The following CCBE1 variants were observed in gnomAD, a reference collection of about 807,000 sequenced individuals.
CCBE1 encodes the protein collagen and calcium-binding EGF domain-containing protein 1.
Under a neutral mutation model 50.0 loss-of-function variants are expected in CCBE1, and 37 were observed. That is an observed-to-expected ratio of 0.74 (90% CI 0.57 to 0.97). The LOEUF is 0.97. CCBE1 is among the 50% of genes least tolerant of loss of function. The pLI, the probability that CCBE1 is intolerant of heterozygous loss-of-function variation, is 0.00. For missense variants in CCBE1, 538 were observed against 523.8 expected, an observed-to-expected ratio of 1.03 and a Z score of -0.26; for synonymous variants, 234 against 203.7, an observed-to-expected ratio of 1.15 and a Z score of -1.27.
intron 2 of CCBE1, among the ~76,000 whole-genome samples, chr18:59,617,012 T>A (rs961780725): frequency 1.3e-5 from 2 of 152,186 alleles, no homozygotes; most frequent in Non-Finnish European, 2.9e-5. Context: ...AATCTAGTTA[T>A]CTAGGTTTCA....
chr18:59,526,699 G>C (rs553431422), intron 2 of CCBE1, among the ~76,000 whole-genome samples: 1 of 152,128 alleles, frequency 6.6e-6, no homozygotes, highest in African/African-American at 2.4e-5. Flanking sequence ...AGAGATTCTG[G>C]TATGTTGTCT....
chr18:59,468,925 G>A (rs1180363289), intron 4 of CCBE1, among the ~76,000 whole-genome samples: 4 of 151,618 alleles, frequency 2.6e-5, no homozygotes, highest in African/African-American at 9.7e-5. Flanking sequence ...TGGTTCCAAT[G>A]GAAAATGAGC....
At chr18:59,473,073 A>G (rs1465833412) in intron 3 of CCBE1, among the ~76,000 whole-genome samples, 1 of 152,220 alleles carries the variant, frequency 6.6e-6, no homozygotes, top group Admixed American at 6.5e-5. Flanking sequence ...GTGGGGACAC[A>G]GCCAAACCAT....
chr18:59,482,596 G>A (rs1398587300), intron 2 of CCBE1, among the ~76,000 whole-genome samples: 1 of 152,182 alleles, frequency 6.6e-6, no homozygotes, highest in Non-Finnish European at 1.5e-5. Context: ...TATAATGCAT[G>A]TAGTTGCAAT....
intron 2 of CCBE1, among the ~76,000 whole-genome samples, chr18:59,564,399 TTTAC>T (rs1192530375): frequency 2.0e-5 from 3 of 152,246 alleles, no homozygotes; most frequent in Non-Finnish European, 4.4e-5. Context: ...ACACTGTGTT[TTTAC>T]TTTGTATATT....
intron 2 of CCBE1, among the ~76,000 whole-genome samples, chr18:59,480,679 A>G (rs1912529501): frequency 6.6e-6 from 1 of 152,170 alleles, no homozygotes; most frequent in South Asian, 2.1e-4. Flanking sequence ...TGTTAATTGT[A>G]ATATAACAAT....
chr18:59,595,774 A>G (rs1159032635), intron 2 of CCBE1, among the ~76,000 whole-genome samples: 1 of 152,212 alleles, frequency 6.6e-6, no homozygotes, highest in Non-Finnish European at 1.5e-5. Flanking sequence ...AGGCAGAGCA[A>G]AGGTACTGTA....
At chr18:59,646,058 T>A (rs1190426059) in intron 2 of CCBE1, among the ~76,000 whole-genome samples, 1 of 151,140 alleles carries the variant, frequency 6.6e-6, no homozygotes, top group Non-Finnish European at 1.5e-5. Context: ...AAAAAAGGTA[T>A]CAAAAGGCAG....
intron 3 of CCBE1, among the ~76,000 whole-genome samples, chr18:59,472,702 T>C (rs602751): frequency 0.49 from 73,973 of 152,036 alleles, 18,803 homozygotes; most frequent in East Asian, 0.77. Flanking sequence ...CACCTCCCTC[T>C]CTCTTTTGTT....
Position 59,500,077 on chromosome 18 carries a change from A to G in CCBE1, c.213-19839T>C, listed in dbSNP as rs868478775. ...CTCTTCAGCAGGGGCTGCCTGAGTC[A>G]AAAGATAAGTCCCAGAGGAAGGTAG... On this transcript the variant is annotated intron_variant, in intron 2 of 10. Transcript: ENST00000439986. Among the ~76,000 whole-genome samples the G allele has an allele frequency of 3.7e-4, 57 of 152,318 alleles. 1 individual carries two copies. Among genetic ancestry groups the G allele is most frequent in the Middle Eastern group, 3.4e-3 (1 of 294 alleles).
chr18:59,455,446 G>T (rs1305215235), intron 5 of CCBE1, among the ~76,000 whole-genome samples: 1 of 152,164 alleles, frequency 6.6e-6, no homozygotes, highest in East Asian at 1.9e-4. Flanking sequence ...CGACGCGTGA[G>T]GCCAGGATGG....
intron 2 of CCBE1, among the ~76,000 whole-genome samples, chr18:59,578,995 A>C (rs1337851051): frequency 6.6e-6 from 1 of 152,244 alleles, no homozygotes; most frequent in African/African-American, 2.4e-5. Context: ...ATGTAAAGAC[A>C]TAAAAGTCAC....
intron 2 of CCBE1, among the ~76,000 whole-genome samples, chr18:59,539,660 A>T (rs750447499): frequency 5.3e-5 from 8 of 152,244 alleles, no homozygotes; most frequent in Non-Finnish European, 1.0e-4. Context: ...ATTGGCAGTA[A>T]CATCATCATG....
intron 7 of CCBE1, among the ~76,000 whole-genome samples, chr18:59,447,099 T>C (rs1435887517): frequency 2.0e-5 from 3 of 152,208 alleles, no homozygotes; most frequent in Non-Finnish European, 4.4e-5. Context: ...ATGTTCGGGA[T>C]TTTCATCCAA....
chr18:59,445,052 C>T (rs1488944307), intron 7 of CCBE1, among the ~76,000 whole-genome samples: 1 of 151,330 alleles, frequency 6.6e-6, no homozygotes, highest in East Asian at 1.9e-4. Context: ...TGATGTAGTC[C>T]CATTCATCTA....
chr18:59,642,439 C>G (rs1048714863), intron 2 of CCBE1, among the ~76,000 whole-genome samples: 1 of 152,178 alleles, frequency 6.6e-6, no homozygotes, highest in South Asian at 2.1e-4. Context: ...AAACATCCCC[C>G]CTCCATGACT....
At chr18:59,684,172 C>A (rs2054628168) in intron 2 of CCBE1, among the ~76,000 whole-genome samples, 1 of 152,172 alleles carries the variant, frequency 6.6e-6, no homozygotes, top group Non-Finnish European at 1.5e-5. Flanking sequence ...CAGATCCTCT[C>A]ATGCCTTATC....
At chr18:59,641,188 T>C (rs759604604) in intron 2 of CCBE1, among the ~76,000 whole-genome samples, 73 of 152,000 alleles carry the variant, frequency 4.8e-4, no homozygotes, top group Non-Finnish European at 7.4e-4. Flanking sequence ...CTAGTCACAA[T>C]AGCAAATACA....
intron 2 of CCBE1, among the ~76,000 whole-genome samples, chr18:59,689,594 G>A (rs1350176311): frequency 1.3e-5 from 2 of 152,206 alleles, no homozygotes; most frequent in East Asian, 3.8e-4. Context: ...ATACTTATAT[G>A]ATGACAGATC....
Sources: allele counts gnomAD v4.1 joint callset (sites outside exome capture counted in the v4.1 genomes callset), GRCh38; gene constraint gnomAD v4.1.1; transcripts MANE v1.5; gene names NCBI Gene and HGNC (gene_info 2026-07-23, HGNC 2026-07-21).